FOXP1: variants seen among roughly 807,000 people sequenced by gnomAD.
FOXP1 encodes forkhead box protein P1.
In FOXP1, 15 loss-of-function variants were observed where a neutral mutation model predicts 98.2. That is an observed-to-expected ratio of 0.15 (90% CI 0.10 to 0.24). FOXP1 has a LOEUF of 0.24. FOXP1 is among the 10% of genes least tolerant of loss of function. The pLI is 1.00. For synonymous variants in FOXP1, 371 were observed against 314.5 expected, an observed-to-expected ratio of 1.18 and a Z score of -1.90; for missense variants, 633 against 848.5, an observed-to-expected ratio of 0.75 and a Z score of 3.15.
intron 6 of FOXP1, among the ~76,000 whole-genome samples, chr3:71,121,397 T>C (rs997975435): frequency 6.6e-6 from 1 of 151,440 alleles, no homozygotes; most frequent in African/African-American, 2.4e-5. Context: ...GGGATATCTA[T>C]GGTCCTCTTG....
chr3:70,984,464 C>T (rs1423257029), intron 14 of FOXP1, among the ~76,000 whole-genome samples: 2 of 152,136 alleles, frequency 1.3e-5, no homozygotes, highest in East Asian at 1.9e-4. Flanking sequence ...GTGCAATTCA[C>T]GGAAAGTGAG....
At chr3:71,208,536 T>TTCTGTGTGTGTGTGTGTGTGTGTG (rs10529764) in intron 5 of FOXP1, among the ~76,000 whole-genome samples, 30 of 149,454 alleles carry the variant, frequency 2.0e-4, no homozygotes, top group African/African-American at 5.7e-4. Context: ...GCATTTAAGT[T>TTCTGTGTGTGTGTGTGTGTGTGTG]TGTGTGTGTG....
At chr3:71,067,386 AC>A (rs2052643787) in intron 7 of FOXP1, among the ~76,000 whole-genome samples, 1 of 152,152 alleles carries the variant, frequency 6.6e-6, no homozygotes, top group Admixed American at 6.5e-5. Context: ...AAATGTTAAA[AC>A]CAATAGTAAC....
intron 3 of FOXP1, among the ~76,000 whole-genome samples, chr3:71,384,685 T>C (rs1577236421): frequency 1.3e-5 from 2 of 152,186 alleles, no homozygotes; most frequent in African/African-American, 2.4e-5. Context: ...CCTAAAACAA[T>C]TGTCACCAAC....
chr3:71,545,523 A>C (rs2107639122), intron 2 of FOXP1, among the ~76,000 whole-genome samples: 2 of 152,328 alleles, frequency 1.3e-5, no homozygotes, highest in East Asian at 3.9e-4. Flanking sequence ...GTTTTTAAAA[A>C]TACACATGCT....
At chr3:71,027,261 G>A (rs974142272) in intron 11 of FOXP1, among the ~76,000 whole-genome samples, 2 of 152,100 alleles carry the variant, frequency 1.3e-5, no homozygotes, top group East Asian at 1.9e-4. Flanking sequence ...ACCAACGACC[G>A]TAAACAAAGT....
At chr3:71,526,129 TAAATAAATAAACAAAC>T (rs1196084067) in intron 2 of FOXP1, among the ~76,000 whole-genome samples, 2 of 49,168 alleles carry the variant, frequency 4.1e-5, no homozygotes. Flanking sequence ...TCTAAATATA[TAAATAAATAAACAAAC>T]AAACAAACAA....
chr3:71,098,337 T>C (rs1212463503), intron 7 of FOXP1, among the ~76,000 whole-genome samples: 1 of 152,226 alleles, frequency 6.6e-6, no homozygotes, highest in African/African-American at 2.4e-5. Flanking sequence ...TAAAGTTCTA[T>C]GCCATTAATA....
intron 6 of FOXP1, among the ~76,000 whole-genome samples, chr3:71,122,379 T>C (rs928926107): frequency 2.0e-5 from 3 of 152,086 alleles, no homozygotes; most frequent in Non-Finnish European, 2.9e-5. Context: ...CAAACAAGAA[T>C]AATAATCCAA....
At chr3:70,994,014 GAAAA>G (rs1319451173) in intron 13 of FOXP1, among the ~76,000 whole-genome samples, 55 of 148,476 alleles carry the variant, frequency 3.7e-4, no homozygotes, top group Non-Finnish European at 6.3e-4. Flanking sequence ...AAAAGAAAAA[GAAAA>G]AGAAAAAGAA....
chr3:71,013,905 T>G (rs1472137592), intron 12 of FOXP1, among the ~76,000 whole-genome samples: 1 of 152,112 alleles, frequency 6.6e-6, no homozygotes, highest in Non-Finnish European at 1.5e-5. Context: ...GGGGAAAGGA[T>G]TCCCTATTTA....
At chr3:71,001,484 C>T (rs775148136) in intron 12 of FOXP1, among the ~76,000 whole-genome samples, 6 of 152,030 alleles carry the variant, frequency 3.9e-5, no homozygotes, top group Non-Finnish European at 8.8e-5. Context: ...CATCCATATA[C>T]TGAAATGCAT....
At chr3:71,292,228 A>G (rs1458983128) in intron 5 of FOXP1, among the ~76,000 whole-genome samples, 19 of 152,258 alleles carry the variant, frequency 1.2e-4, no homozygotes, top group Non-Finnish European at 1.5e-5. Flanking sequence ...AGACTGGAGG[A>G]AAGAGTGAGC....
At chr3:71,010,834 TC>T (rs932229295) in intron 12 of FOXP1, among the ~76,000 whole-genome samples, 6 of 72,096 alleles carry the variant, frequency 8.3e-5, no homozygotes, top group African/African-American at 1.5e-4. Flanking sequence ...TAACCCCCCC[TC>T]CCCCCCCACC....
intron 5 of FOXP1, among the ~76,000 whole-genome samples, chr3:71,241,105 G>A (rs1255649042): frequency 6.6e-6 from 1 of 151,664 alleles, no homozygotes; most frequent in East Asian, 2.0e-4. Context: ...AGCTACTCGG[G>A]AGGCTGAGGC....
At chr3:71,350,730 T>C (rs1021900305) in intron 4 of FOXP1, among the ~76,000 whole-genome samples, 6 of 152,178 alleles carry the variant, frequency 3.9e-5, no homozygotes, top group African/African-American at 1.4e-4. Flanking sequence ...CTGAACCATA[T>C]GATATTTAAA....
chr3:71,027,834 T>TAC (rs1297871721), intron 11 of FOXP1, among the ~76,000 whole-genome samples: 1 of 152,180 alleles, frequency 6.6e-6, no homozygotes, highest in Non-Finnish European at 1.5e-5. Context: ...TTAGTAGGGG[T>TAC]ACACATTCAA....
intron 5 of FOXP1, among the ~76,000 whole-genome samples, chr3:71,229,286 T>C (rs2066093488): frequency 6.6e-6 from 1 of 152,210 alleles, no homozygotes; most frequent in African/African-American, 2.4e-5. Flanking sequence ...CTTAAAGTAC[T>C]GAGCATGTTT....
At chr3:71,171,196 G>C (rs1025086683) in intron 6 of FOXP1, among the ~76,000 whole-genome samples, 1 of 151,716 alleles carries the variant, frequency 6.6e-6, no homozygotes, top group African/African-American at 2.4e-5. Context: ...TAAAAAGTTG[G>C]CATCGTGAGG....
Sources: gnomAD v4.1 joint callset for allele counts (sites outside exome capture counted in the v4.1 genomes callset) on GRCh38, gnomAD v4.1.1 for gene constraint, MANE v1.5 for transcripts, NCBI Gene and HGNC (gene_info 2026-07-23, HGNC 2026-07-21) for gene names.